KALRN: variants seen among roughly 807,000 people sequenced by gnomAD.
KALRN encodes the protein kalirin.
In KALRN, 70 loss-of-function variants were observed where a neutral mutation model predicts 353.7. The observed-to-expected ratio is 0.20, with a 90% CI of 0.16 to 0.24. KALRN has a LOEUF of 0.24. Among genes scored for constraint, KALRN ranks in the 10% least tolerant of loss-of-function variants. The pLI is 1.00. For missense variants in KALRN, 2,791 were observed against 3,756.7 expected (o/e 0.74, Z 6.72); for synonymous variants, 1,391 against 1,434.8 (o/e 0.97, Z 0.69).
chr3:124,608,861 A>T (rs2077632093), intron 34 of KALRN, among the ~76,000 whole-genome samples: 1 of 152,224 alleles, frequency 6.6e-6, no homozygotes, highest in South Asian at 2.1e-4. Flanking sequence ...CAGCAAGTTA[A>T]GAGTTAAGCT....
intron 33 of KALRN, among the ~76,000 whole-genome samples, chr3:124,538,332 G>A (rs1258128831): frequency 3.9e-5 from 6 of 152,084 alleles, no homozygotes; most frequent in South Asian, 4.2e-4. Flanking sequence ...GACAGGATGC[G>A]AGAGATGGGG....
At chr3:124,112,233 G>T (rs543242138) in intron 1 of KALRN, among the ~76,000 whole-genome samples, 2 of 149,384 alleles carry the variant, frequency 1.3e-5, no homozygotes, top group South Asian at 4.2e-4. Context: ...AACCCGGGAG[G>T]CAGAGACTGC....
intron 55 of KALRN, among the ~76,000 whole-genome samples, chr3:124,699,041 C>T (rs1397278813): frequency 6.6e-6 from 1 of 152,138 alleles, no homozygotes; most frequent in Non-Finnish European, 1.5e-5. Flanking sequence ...CGAACCAAAA[C>T]CATTTGTTTT....
intron 1 of KALRN, among the ~76,000 whole-genome samples, chr3:124,076,644 C>T (rs958108863): frequency 2.6e-5 from 4 of 152,192 alleles, no homozygotes; most frequent in African/African-American, 9.7e-5. Flanking sequence ...ATCATTTTCT[C>T]TAGAGGTTGT....
intron 23 of KALRN, among the ~76,000 whole-genome samples, chr3:124,460,089 A>G (rs2059702221): frequency 6.6e-6 from 1 of 152,204 alleles, no homozygotes; most frequent in Admixed American, 6.5e-5. Context: ...CACGTGGCAT[A>G]ATCCCAGAAT....
At chr3:124,535,340 T>G (rs1365681938) in intron 33 of KALRN, among the ~76,000 whole-genome samples, 3 of 152,200 alleles carry the variant, frequency 2.0e-5, no homozygotes, top group African/African-American at 7.2e-5. Context: ...TTACACCAAT[T>G]TACAGCTTGT....
intron 1 of KALRN, among the ~76,000 whole-genome samples, chr3:124,170,269 G>T (rs952242377): frequency 2.6e-5 from 4 of 152,220 alleles, no homozygotes; most frequent in Non-Finnish European, 5.9e-5. Flanking sequence ...GTGATGAAGG[G>T]TGTTGAACCA....
chr3:124,543,106 G>A (rs759234075), intron 33 of KALRN, among the ~76,000 whole-genome samples: 6 of 152,022 alleles, frequency 3.9e-5, no homozygotes, highest in African/African-American at 9.7e-5. Context: ...GGCTTCCCCC[G>A]GAGTGAGTGA....
intron 1 of KALRN, among the ~76,000 whole-genome samples, chr3:124,200,908 T>G (rs1295194143): frequency 1.3e-5 from 2 of 152,196 alleles, no homozygotes; most frequent in African/African-American, 2.4e-5. Flanking sequence ...AAAACCTCTT[T>G]CCTTCCTTTA....
At chr3:124,638,825 A>G (rs557408765) in intron 37 of KALRN, among the ~76,000 whole-genome samples, 44 of 152,294 alleles carry the variant, frequency 2.9e-4, no homozygotes, top group Admixed American at 5.2e-4. Context: ...GAGCCTCTTT[A>G]TATCATTTTA....
Position 124,456,732 on chromosome 3 carries a change from C to T in KALRN, c.3854+4C>T, listed in dbSNP as rs536904326. The T allele has an allele frequency of 7.4e-5, 118 of 1,604,694 alleles. 1 individual carries two copies. The highest frequency in any genetic ancestry group is 9.4e-5 in the Non-Finnish European group (110 of 1,172,774). On this transcript the variant is annotated splice_donor_region_variant and intron_variant, in intron 23 of 59. Transcript: ENST00000682506. ...GGAAGTCAGCCCGGAAGAAAGAGTA[C>T]GTGTTGGCTTCCGCCCAGCTAGCTG...
intron 32 of KALRN, among the ~76,000 whole-genome samples, chr3:124,495,120 G>A (rs922123691): frequency 1.3e-5 from 2 of 152,148 alleles, no homozygotes; most frequent in Admixed American, 1.3e-4. Context: ...TGTGTGGTCC[G>A]GGGCCCAGGA....
At chr3:124,092,992 AT>A (rs2061212008) in intron 1 of KALRN, among the ~76,000 whole-genome samples, 1 of 152,144 alleles carries the variant, frequency 6.6e-6, no homozygotes, top group Non-Finnish European at 1.5e-5. Context: ...ATTTAAGGTA[AT>A]AAGAAAATAA....
At chr3:124,405,408 CAG>C (rs2091408292) in intron 13 of KALRN, among the ~76,000 whole-genome samples, 2 of 152,238 alleles carry the variant, frequency 1.3e-5, no homozygotes, top group Middle Eastern at 3.4e-3. Flanking sequence ...TCAGCTTACA[CAG>C]GGGGAGAAAA....
chr3:124,308,767 A>C (rs1410322740), intron 6 of KALRN, among the ~76,000 whole-genome samples: 2 of 151,838 alleles, frequency 1.3e-5, no homozygotes, highest in Non-Finnish European at 2.9e-5. Context: ...CTGGAAAAAG[A>C]AGAGCAAACG....
At chr3:124,406,310 A>T (rs1050855295) in intron 13 of KALRN, among the ~76,000 whole-genome samples, 7 of 152,254 alleles carry the variant, frequency 4.6e-5, no homozygotes, top group African/African-American at 1.7e-4. Flanking sequence ...TTATCATTGT[A>T]AGAATTGATT....
intron 8 of KALRN, among the ~76,000 whole-genome samples, chr3:124,330,909 G>C (rs150619462): frequency 7.3e-4 from 111 of 152,324 alleles, no homozygotes; most frequent in African/African-American, 2.5e-3. Context: ...AGAATATCAA[G>C]AAGTGAGACC....
At position 124,395,233 on chromosome 3, in the gene KALRN, G is replaced by A; in HGVS notation, c.2061G>A (p.Gln687=). Residue 687 remains glutamine, a synonymous_variant, in exon 12 of 60, where the codon CAG becomes CAA. Transcript: ENST00000682506. The part of the protein sequence containing the change: ...AVQELIKQFQ[Q]QQTATLDATL... ...AGGAACTGATCAAGCAGTTCCAGCA[G>A]CAGCAGACCGCCACTCTAGATGCCA... 6.2e-7 allele frequency: 1 copy of A among 1,613,022 alleles called. No homozygotes were observed. Among genetic ancestry groups the A allele is most frequent in the Non-Finnish European group, 8.5e-7 (1 of 1,179,832 alleles).
chr3:124,341,173 A>G (rs1323281856), intron 9 of KALRN, among the ~76,000 whole-genome samples: 1 of 152,194 alleles, frequency 6.6e-6, no homozygotes, highest in Non-Finnish European at 1.5e-5. Context: ...TCTTTTGGAA[A>G]AGACTGTTCT....
Sources: gnomAD v4.1 joint callset for allele counts (sites outside exome capture counted in the v4.1 genomes callset) on GRCh38, gnomAD v4.1.1 for gene constraint, MANE v1.5 for transcripts, NCBI Gene and HGNC (gene_info 2026-07-23, HGNC 2026-07-21) for gene names.